The following FOXP2 variants were observed in gnomAD, a reference collection of about 807,000 sequenced individuals.
The protein encoded by FOXP2 is forkhead box protein P2.
FOXP2 carries 12 observed loss-of-function variants against 115.8 expected under a neutral mutation model. That is an observed-to-expected ratio of 0.10 (90% confidence interval 0.07 to 0.17). The LOEUF (loss-of-function observed/expected upper bound fraction) is 0.17. FOXP2 is among the 10% of genes least tolerant of loss of function. The pLI, the probability that FOXP2 is intolerant of heterozygous loss-of-function variation, is 1.00. For missense variants in FOXP2, 629 were observed against 843.5 expected (o/e 0.75, Z 3.15); for synonymous variants, 328 against 297.7 (o/e 1.10, Z -1.05).
At chr7:114,553,417 G>A (rs1306358247) in intron 3 of FOXP2, among the ~76,000 whole-genome samples, 2 of 152,120 alleles carry the variant, frequency 1.3e-5, no homozygotes, top group Non-Finnish European at 2.9e-5. Flanking sequence ...TAAGAATTCA[G>A]CCATTTAATG....
At chr7:114,505,955 ACT>A (rs770039006) in intron 2 of FOXP2, among the ~76,000 whole-genome samples, 3 of 151,472 alleles carry the variant, frequency 2.0e-5, no homozygotes, top group Non-Finnish European at 4.4e-5. Flanking sequence ...CTTTATATAT[ACT>A]GTTTGCCATT....
At chr7:114,363,015 G>T (rs1288094915) in intron 2 of FOXP2, among the ~76,000 whole-genome samples, 2 of 151,992 alleles carry the variant, frequency 1.3e-5, no homozygotes, top group Non-Finnish European at 2.9e-5. Flanking sequence ...AACAGGAGAT[G>T]TGACTATCTA....
At position 114,364,081 on chromosome 7, in the gene FOXP2, G is replaced by A. The variant is rs79306192; in HGVS notation, c.-10-62421G>A. On this transcript the variant is annotated intron_variant, in intron 2 of 17. Coordinates refer to the FOXP2 transcript ENST00000634411. ...CTTAAGTACTTAATTTCTTTTTGGA[G>A]CTCATTTTCCCCTTCAATTCTATAC... 2.6e-3 allele frequency among the ~76,000 whole-genome samples: 388 copies of A among 152,128 alleles called. 9 individuals are homozygous for A. The East Asian group carries it at 0.039, about 15-fold the overall frequency.
At chr7:114,548,357 C>T (rs1800036124) in intron 3 of FOXP2, among the ~76,000 whole-genome samples, 1 of 152,158 alleles carries the variant, frequency 6.6e-6, no homozygotes, top group South Asian at 2.1e-4. Flanking sequence ...TAGTCAGGCA[C>T]TTTGTCACAT....
rs576028003 is a variant in FOXP2, at chr7:114,154,096, G to A, written c.-246-8848G>A. Among the ~76,000 whole-genome samples the A allele has an allele frequency of 3.2e-4, 48 of 152,254 alleles. 1 individual carries two copies. Among genetic ancestry groups the A allele is most frequent in the African/African-American group, 1.1e-3 (45 of 41,564 alleles). Reference sequence around the variant, plus strand: ...AATCTCATTTAGCAGCAACTTGAAGGTTTGTAGGATAAAGTTCTTTTATTG... The same window carrying A: ...AATCTCATTTAGCAGCAACTTGAAGATTTGTAGGATAAAGTTCTTTTATTG... On this transcript the variant is annotated intron_variant, in intron 1 of 19. Coordinates refer to the FOXP2 transcript ENST00000635638.
chr7:114,631,804 A>G, intron 6 of FOXP2, 99 bp downstream of exon 6: 1 of 1,236,020 alleles, frequency 8.1e-7, no homozygotes, highest in East Asian at 2.4e-5. Context: ...TGTTTTTATG[A>G]CTTTCAAATT....
intron 1 of FOXP2, among the ~76,000 whole-genome samples, chr7:114,213,557 T>C (rs1794410783): frequency 6.6e-6 from 1 of 152,188 alleles, no homozygotes; most frequent in Non-Finnish European, 1.5e-5. Context: ...CTAAATTTTA[T>C]CTCACAGCTT....
chr7:114,678,612 A>G (rs1259497831), intron 16 of FOXP2, among the ~76,000 whole-genome samples: 1 of 129,894 alleles, frequency 7.7e-6, no homozygotes, highest in East Asian at 2.2e-4. Context: ...CCTTCCTTCA[A>G]TATTCAGTTT....
intron 8 of FOXP2, chr7:114,645,929 G>A (rs1397392086): frequency 2.0e-5 from 3 of 151,336 alleles, no homozygotes; most frequent in Non-Finnish European, 2.9e-5. Flanking sequence ...TTTGTAAATG[G>A]CCTTAAATGA....
chr7:114,227,258 G>A (rs533634431), intron 1 of FOXP2, among the ~76,000 whole-genome samples: 1 of 152,154 alleles, frequency 6.6e-6, no homozygotes, highest in African/African-American at 2.4e-5. Context: ...CAAAGAGTTT[G>A]TGGCCTGACT....
At chr7:114,347,713 G>GTGAA (rs897884542) in intron 2 of FOXP2, among the ~76,000 whole-genome samples, 8 of 151,998 alleles carry the variant, frequency 5.3e-5, no homozygotes, top group African/African-American at 1.9e-4. Context: ...ACCACCTGTG[G>GTGAA]TGAAGTTAGT....
chr7:114,326,464 A>G (rs1797559803), intron 2 of FOXP2, among the ~76,000 whole-genome samples: 1 of 152,148 alleles, frequency 6.6e-6, no homozygotes, highest in Non-Finnish European at 1.5e-5. Context: ...ATTCATTCCA[A>G]AGTACATGAT....
At position 114,664,263 on chromosome 7, in the gene FOXP2, A is replaced by T; in HGVS notation, c.1840-10A>T. On this transcript the variant is annotated splice_polypyrimidine_tract_variant and intron_variant, in intron 15 of 16. Transcript: ENST00000350908. ...TTGAAAGTTGTTTTACACAATCTTC[A>T]TTTCACTAGGCTGCCTTGGCAGAGA... The T allele has an allele frequency of 6.2e-7, 1 of 1,612,512 alleles. No homozygotes were observed. The highest frequency in any genetic ancestry group is 8.5e-7 in the Non-Finnish European group (1 of 1,179,520).
At chr7:114,190,517 C>T (rs1793729877) in intron 1 of FOXP2, among the ~76,000 whole-genome samples, 1 of 152,180 alleles carries the variant, frequency 6.6e-6, no homozygotes, top group African/African-American at 2.4e-5. Context: ...GGGAACTACA[C>T]TTGTGGCTTT....
At chr7:114,475,366 A>T (rs1410955467) in intron 2 of FOXP2, among the ~76,000 whole-genome samples, 1 of 152,082 alleles carries the variant, frequency 6.6e-6, no homozygotes, top group East Asian at 1.9e-4. Flanking sequence ...TTTTTGACTT[A>T]TCAAAATTGC....
At chr7:114,664,770 ATTCATGATGG>A (rs1807076350) in intron 16 of FOXP2, 4 of 315,752 alleles carry the variant, frequency 1.3e-5, no homozygotes, top group Non-Finnish European at 2.4e-5. Flanking sequence ...CAATAAGAAT[ATTCATGATGG>A]AATAAGTTGT....
chr7:114,191,883 A>T (rs1378046796), intron 1 of FOXP2, among the ~76,000 whole-genome samples: 1 of 152,084 alleles, frequency 6.6e-6, no homozygotes, highest in African/African-American at 2.4e-5. Flanking sequence ...TCATACAGAG[A>T]AGTTCCCCTC....
At chr7:114,421,509 GT>G (rs564511461) in intron 1 of FOXP2, among the ~76,000 whole-genome samples, 13 of 149,260 alleles carry the variant, frequency 8.7e-5, no homozygotes, top group African/African-American at 2.4e-4. Flanking sequence ...TTACTAAAGT[GT>G]TTTTTTTTCT....
rs780297605 is a variant in FOXP2, at chr7:114,693,346, T to G, written c.*3420T>G. 10 of 453,718 alleles carry G rather than the reference T, an allele frequency of 2.2e-5. No homozygotes were observed. The highest frequency in any genetic ancestry group is 1.4e-4 in the South Asian group (9 of 64,442). The allele number at this position is 453,718 out of a possible 1,614,324, so 28.1% of individuals were successfully genotyped here. Reference sequence around the variant, plus strand: ...TAGGAATAGAGCTACAGAAGTACACTTACATAAACCATCCTGGACTTTAAT... The same window carrying G: ...TAGGAATAGAGCTACAGAAGTACACGTACATAAACCATCCTGGACTTTAAT... On this transcript the variant is annotated 3_prime_UTR_variant, in exon 17 of 17. Transcript: ENST00000350908.
Sources: allele counts gnomAD v4.1 joint callset (sites outside exome capture counted in the v4.1 genomes callset), GRCh38; gene constraint gnomAD v4.1.1; transcripts MANE v1.5; gene names NCBI Gene and HGNC (gene_info 2026-07-23, HGNC 2026-07-21).